The following CLMP variants were observed in gnomAD, a reference collection of about 807,000 sequenced individuals.
CLMP encodes the protein CXADR like cell adhesion molecule.
Under a neutral mutation model 45.2 loss-of-function variants are expected in CLMP, and 27 were observed. The observed-to-expected ratio is 0.60, with a 90% CI of 0.44 to 0.82. The LOEUF is 0.82. Among genes scored for constraint, CLMP ranks in the 40% least tolerant of loss-of-function variants. The pLI, the probability that CLMP is intolerant of heterozygous loss-of-function variation, is 0.00. For missense variants in CLMP, 403 were observed against 448.4 expected, an observed-to-expected ratio of 0.90 and a Z score of 0.91; for synonymous variants, 167 against 171.4, an observed-to-expected ratio of 0.97 and a Z score of 0.20.
At chr11:123,087,801 C>T (rs1018949841) in intron 2 of CLMP, among the ~76,000 whole-genome samples, 4 of 152,014 alleles carry the variant, frequency 2.6e-5, no homozygotes, top group Non-Finnish European at 2.9e-5. Flanking sequence ...AGCCTAGGGA[C>T]AGAGTGAGAC....
At chr11:123,087,593 C>A (rs1180602450) in intron 2 of CLMP, among the ~76,000 whole-genome samples, 2 of 151,824 alleles carry the variant, frequency 1.3e-5, no homozygotes, top group African/African-American at 4.8e-5. Context: ...GATGCCGAGG[C>A]GGGTGGATCA....
At chr11:123,184,429 T>G (rs1283320625) in intron 1 of CLMP, among the ~76,000 whole-genome samples, 1 of 152,220 alleles carries the variant, frequency 6.6e-6, no homozygotes, top group African/African-American at 2.4e-5. Context: ...CAAAATTTTC[T>G]GTGCTCATTA....
At chr11:123,144,394 C>T (rs537924479) in intron 1 of CLMP, among the ~76,000 whole-genome samples, 89 of 152,086 alleles carry the variant, frequency 5.9e-4, no homozygotes, top group Non-Finnish European at 1.1e-3. Context: ...TTTTTGAGAC[C>T]GACTTTCGCT....
intron 1 of CLMP, among the ~76,000 whole-genome samples, chr11:123,149,755 G>A (rs1861285875): frequency 6.6e-6 from 1 of 151,860 alleles, no homozygotes; most frequent in Non-Finnish European, 1.5e-5. Context: ...GGGAAAAGAG[G>A]TCCTCAAAAG....
At chr11:123,127,707 T>G (rs1860917178) in intron 1 of CLMP, among the ~76,000 whole-genome samples, 1 of 152,018 alleles carries the variant, frequency 6.6e-6, no homozygotes, top group African/African-American at 2.4e-5. Flanking sequence ...TTACATGCAA[T>G]CATCCCTTAA....
intron 1 of CLMP, among the ~76,000 whole-genome samples, chr11:123,107,531 TA>T (rs1860578139): frequency 7.2e-6 from 1 of 138,276 alleles, no homozygotes; most frequent in South Asian, 2.4e-4. Context: ...GCACCTGACC[TA>T]AATTTTTTTT....
intron 1 of CLMP, among the ~76,000 whole-genome samples, chr11:123,118,500 A>C (rs1860746811): frequency 6.6e-6 from 1 of 152,218 alleles, no homozygotes; most frequent in African/African-American, 2.4e-5. Context: ...AATCAAACTT[A>C]GCTCATGCTT....
chr11:123,112,586 C>T (rs1359968609), intron 1 of CLMP, among the ~76,000 whole-genome samples: 2 of 152,076 alleles, frequency 1.3e-5, no homozygotes, highest in Non-Finnish European at 2.9e-5. Flanking sequence ...AGCCCCCCCA[C>T]CTCGGCCTCC....
chr11:123,143,481 C>T (rs2135518919), intron 1 of CLMP, among the ~76,000 whole-genome samples: 1 of 149,238 alleles, frequency 6.7e-6, no homozygotes, highest in South Asian at 2.1e-4. Context: ...TACTGCCAGC[C>T]TTGAAGAAGT....
intron 1 of CLMP, among the ~76,000 whole-genome samples, chr11:123,141,719 T>C (rs1861161588): frequency 6.6e-6 from 1 of 152,170 alleles, no homozygotes; most frequent in Non-Finnish European, 1.5e-5. Flanking sequence ...TTAGTGTATA[T>C]AGTAACTTTT....
intron 2 of CLMP, among the ~76,000 whole-genome samples, chr11:123,088,647 T>G (rs1414200915): frequency 6.6e-6 from 1 of 151,996 alleles, no homozygotes; most frequent in African/African-American, 2.4e-5. Flanking sequence ...ATTTTTGAGA[T>G]GGAGTTTCAC....
intron 1 of CLMP, among the ~76,000 whole-genome samples, chr11:123,129,819 G>T (rs1169529191): frequency 6.6e-6 from 1 of 151,124 alleles, no homozygotes; most frequent in African/African-American, 2.4e-5. Flanking sequence ...GCAAAGTTGG[G>T]ACTGGAACCC....
intron 1 of CLMP, among the ~76,000 whole-genome samples, chr11:123,163,678 T>C (rs566149100): frequency 5.8e-4 from 88 of 152,302 alleles, no homozygotes; most frequent in African/African-American, 2.0e-3. Flanking sequence ...CCTGGCAACT[T>C]ACTAAGTGTA....
At chr11:123,133,397 C>T (rs1033075475) in intron 1 of CLMP, among the ~76,000 whole-genome samples, 24 of 152,170 alleles carry the variant, frequency 1.6e-4, no homozygotes, top group Admixed American at 5.9e-4. Flanking sequence ...CCACCGTCAA[C>T]ATCTTCTTAC....
At chr11:123,193,409 C>T (rs1490007373) in intron 1 of CLMP, among the ~76,000 whole-genome samples, 5 of 152,222 alleles carry the variant, frequency 3.3e-5, no homozygotes, top group Admixed American at 3.3e-4. Flanking sequence ...TTTCATTCTA[C>T]TAAATATCTG....
At chr11:123,132,514 A>G (rs12270464) in intron 1 of CLMP, among the ~76,000 whole-genome samples, 14,305 of 151,532 alleles carry the variant, frequency 0.094, 864 homozygotes, top group South Asian at 0.18. Context: ...GCTGGAGTGC[A>G]GTGGTGCAAT....
chr11:123,076,982 CTATTTAT>C (rs1865748104), intron 5 of CLMP, among the ~76,000 whole-genome samples: 1 of 141,924 alleles, frequency 7.0e-6, no homozygotes, highest in South Asian at 2.2e-4. Context: ...ACAGAATTTG[CTATTTAT>C]TCTTTTTTTT....
chr11:123,155,433 G>A (rs1861399833), intron 1 of CLMP, among the ~76,000 whole-genome samples: 1 of 152,212 alleles, frequency 6.6e-6, no homozygotes, highest in Non-Finnish European at 1.5e-5. Context: ...GAGGGAAAGA[G>A]TGTTTACCAG....
intron 1 of CLMP, among the ~76,000 whole-genome samples, chr11:123,173,275 T>C (rs189783172): frequency 3.4e-4 from 52 of 152,388 alleles, no homozygotes; most frequent in Middle Eastern, 3.4e-3. Context: ...GACTGTTTTA[T>C]GGCTGGAGCC....
Sources: allele counts gnomAD v4.1 joint callset (sites outside exome capture counted in the v4.1 genomes callset), GRCh38; gene constraint gnomAD v4.1.1; transcripts MANE v1.5; gene names NCBI Gene and HGNC (gene_info 2026-07-23, HGNC 2026-07-21).